Variants in GABRA2 observed in about 807,000 individuals in gnomAD.
GABRA2 encodes the protein gamma-aminobutyric acid type A receptor subunit alpha2, also known as gamma-aminobutyric acid receptor subunit alpha-2.
Under a neutral mutation model 48.7 loss-of-function variants are expected in GABRA2, and 16 were observed. That is an observed-to-expected ratio of 0.33 (90% CI 0.22 to 0.50). The LOEUF is 0.50. Ranked by LOEUF, GABRA2 falls within the 20% of genes least tolerant of loss-of-function variation. The pLI, the probability that GABRA2 is intolerant of heterozygous loss-of-function variation, is 0.98. For synonymous variants in GABRA2, 185 were observed against 184.5 expected (o/e 1.00, Z -0.02); for missense variants, 275 against 535.6 (o/e 0.51, Z 4.80).
chr4:46,247,521 A>G lies in GABRA2; in HGVS notation c.*2787T>C, dbSNP rs1713938240. Among the ~76,000 whole-genome samples the G allele has an allele frequency of 6.6e-6, 1 of 151,264 alleles. No homozygotes were observed. The highest frequency in any genetic ancestry group is 1.5e-5 in the Non-Finnish European group (1 of 67,474). The stretch of plus-strand genomic sequence containing the variant: ...GAATAAATATTAGTTAAATCAGAGT[A>G]GTAGCTATAAAATAATGAGATTATA... On this transcript the variant is annotated 3_prime_UTR_variant, in exon 10 of 10. Transcript: ENST00000381620.
chr4:46,271,451 T>C (rs1324755832), intron 8 of GABRA2, among the ~76,000 whole-genome samples: 1 of 151,812 alleles, frequency 6.6e-6, no homozygotes, highest in African/African-American at 2.4e-5. Flanking sequence ...AAATACCCTA[T>C]CCCCCAAATA....
chr4:46,292,503 A>T (rs1286408251), intron 8 of GABRA2, among the ~76,000 whole-genome samples: 1 of 152,104 alleles, frequency 6.6e-6, no homozygotes, highest in Non-Finnish European at 1.5e-5. Context: ...GAGCTTGTAA[A>T]CTCTGATGAA....
intron 8 of GABRA2, chr4:46,303,159 A>G (rs1726040632): frequency 7.4e-6 from 2 of 269,516 alleles, no homozygotes; most frequent in Admixed American, 1.0e-4. Context: ...AGCAAAAAAA[A>G]AAAAGAAAAT....
intron 3 of GABRA2, chr4:46,365,517 C>T (rs569829776): frequency 7.2e-5 from 11 of 152,158 alleles, no homozygotes; most frequent in South Asian, 2.1e-4. Context: ...ATGACATGTT[C>T]GCAAAAATCA....
intron 1 of GABRA2, 159 bp from the exon 2 acceptor site, chr4:46,388,875 G>T: frequency 7.4e-7 from 1 of 1,345,632 alleles, no homozygotes; most frequent in Non-Finnish European, 9.6e-7. Context: ...ATTGAGAGAC[G>T]ATTTCTTTTT....
chr4:46,317,725 T>C (rs1728772594), intron 4 of GABRA2, among the ~76,000 whole-genome samples: 1 of 151,406 alleles, frequency 6.6e-6, no homozygotes, highest in Non-Finnish European at 1.5e-5. Context: ...ACACTCTGCC[T>C]AATATGAGCC....
rs1386965673 is a variant in GABRA2 at position 46,250,592 on chromosome 4, C to A, written c.1072G>T (p.Ala358Ser). ...SVVNDKKKEKASVMIQNNAYA... is the reference protein window; with the variant it reads ...SVVNDKKKEKSSVMIQNNAYA... ...GCGTTGTTCTGTATCATAACGGAAG[C>A]CTTTTCTTTTTTCTATTGAAAAATA... is the stretch of plus-strand genomic sequence containing the variant. The change falls in exon 10 of 10, where the codon GCT becomes TCT. Residue 358 changes from alanine (A) to serine (S), a missense_variant. Ala to Ser is a moderately conservative substitution (Grantham distance 99). Around this residue, in one of 4 missense-constraint regions of GABRA2, gnomAD observed 99 missense variants for 124.3 expected, o/e 0.80. Coordinates refer to ENST00000381620, the MANE Select transcript of GABRA2 (RefSeq NM_000807.4). 14 of 1,584,674 alleles carry A rather than the reference C, an allele frequency of 8.8e-6. No homozygotes were observed. Among genetic ancestry groups the A allele is most frequent in the Non-Finnish European group, 1.1e-5 (13 of 1,168,286 alleles).
At chr4:46,329,592 G>T (rs1730988914) in intron 4 of GABRA2, among the ~76,000 whole-genome samples, 1 of 152,090 alleles carries the variant, frequency 6.6e-6, no homozygotes, top group Non-Finnish European at 1.5e-5. Flanking sequence ...TCTGATTTTG[G>T]AAGTGGTGAC....
At position 46,261,957 on chromosome 4, in the gene GABRA2, G is replaced by C. The variant is rs1717075753; in HGVS notation, c.1028C>G (p.Ala343Gly). 1 of 1,613,756 alleles carries C rather than the reference G, an allele frequency of 6.2e-7. No homozygotes were observed. The highest frequency in any genetic ancestry group is 8.5e-7 in the Non-Finnish European group (1 of 1,179,820). Residue 343 changes from alanine (A) to glycine (G), a missense_variant, in exon 9 of 10, where the codon GCT becomes GGT. By Grantham distance (60) the Ala-to-Gly change is moderately conservative. Transcript: ENST00000381620. ...TVNYFTKRGW[A>G]WDGKSVVNDK... ...ATTTACTACACTCTTCCCATCCCAA[G>C]CCCATCCTCTTTTGGTGAAGTAATT...
At chr4:46,292,559 C>T (rs953213002) in intron 8 of GABRA2, among the ~76,000 whole-genome samples, 3 of 152,058 alleles carry the variant, frequency 2.0e-5, no homozygotes, top group South Asian at 2.1e-4. Context: ...CTGAATTTGT[C>T]GATTTGGGCG....
chr4:46,308,587 G>T (rs746641660), intron 6 of GABRA2, among the ~76,000 whole-genome samples: 3 of 152,108 alleles, frequency 2.0e-5, no homozygotes, highest in Non-Finnish European at 4.4e-5. Context: ...CATAAAAATT[G>T]TTTATTCAGA....
intron 9 of GABRA2, among the ~76,000 whole-genome samples, chr4:46,255,186 C>A (rs1356789586): frequency 5.3e-5 from 8 of 151,578 alleles, no homozygotes; most frequent in African/African-American, 1.9e-4. Context: ...TAGTTCCTGG[C>A]TCAGAGCAGG....
chr4:46,346,024 C>T (rs552606195), intron 3 of GABRA2, among the ~76,000 whole-genome samples: 3 of 151,994 alleles, frequency 2.0e-5, no homozygotes, highest in South Asian at 2.1e-4. Context: ...TAGAATGTCA[C>T]GCACACATTT....
At chr4:46,322,312 T>G (rs1729592045) in intron 4 of GABRA2, among the ~76,000 whole-genome samples, 1 of 151,832 alleles carries the variant, frequency 6.6e-6, no homozygotes, top group African/African-American at 2.4e-5. Context: ...TTTGAAATAA[T>G]AAAATCTTGC....
intron 4 of GABRA2, among the ~76,000 whole-genome samples, chr4:46,327,578 G>A (rs1480476692): frequency 6.6e-6 from 1 of 151,904 alleles, no homozygotes; most frequent in Non-Finnish European, 1.5e-5. Context: ...ATTTACAAAT[G>A]GCAACTTCTG....
chr4:46,343,574 AAG>A (rs971075515), intron 3 of GABRA2, among the ~76,000 whole-genome samples: 1 of 152,098 alleles, frequency 6.6e-6, no homozygotes, highest in Admixed American at 6.6e-5. Flanking sequence ...AAAGTACAGA[AAG>A]AGAACAGAGA....
At chr4:46,352,471 T>A (rs748271151) in intron 3 of GABRA2, among the ~76,000 whole-genome samples, 5 of 152,064 alleles carry the variant, frequency 3.3e-5, no homozygotes, top group Non-Finnish European at 7.4e-5. Context: ...TCTCTCAGTG[T>A]GAACGTTTTT....
chr4:46,379,990 A>C (rs962404891), intron 3 of GABRA2, among the ~76,000 whole-genome samples: 1 of 152,172 alleles, frequency 6.6e-6, no homozygotes, highest in Non-Finnish European at 1.5e-5. Context: ...CATAATCATA[A>C]AGATAAGTAT....
intron 8 of GABRA2, among the ~76,000 whole-genome samples, chr4:46,277,833 T>G (rs2109442895): frequency 6.6e-6 from 1 of 152,264 alleles, no homozygotes; most frequent in South Asian, 2.1e-4. Context: ...CAGTTGAAGG[T>G]TGTCAATGCA....
Sources: gnomAD v4.1 joint callset for allele counts (sites outside exome capture counted in the v4.1 genomes callset) on GRCh38, gnomAD v4.1.1 for gene constraint, gnomAD v4.1.1 regional missense constraint, MANE v1.5 for transcripts, NCBI Gene and HGNC (gene_info 2026-07-23, HGNC 2026-07-21) for gene names.